Variants in LRRC4C observed in about 807,000 individuals in gnomAD.
The protein encoded by LRRC4C is leucine rich repeat containing 4C.
A neutral mutation model predicts 33.6 loss-of-function variants in LRRC4C; 5 were observed. The observed-to-expected ratio is 0.15, with a 90% CI of 0.08 to 0.31. The LOEUF is 0.31. LRRC4C is among the 10% of genes least tolerant of loss of function. The pLI is 1.00. For synonymous variants in LRRC4C, 329 were observed against 302.0 expected, an observed-to-expected ratio of 1.09 and a Z score of -0.93; for missense variants, 560 against 796.7, an observed-to-expected ratio of 0.70 and a Z score of 3.58.
At chr11:41,278,615 T>C (rs1949556610) in intron 1 of LRRC4C, among the ~76,000 whole-genome samples, 2 of 152,232 alleles carry the variant, frequency 1.3e-5, no homozygotes, top group Non-Finnish European at 2.9e-5. Context: ...CCCCTGTGTT[T>C]CTGATTCAGT....
intron 2 of LRRC4C, among the ~76,000 whole-genome samples, chr11:40,847,225 A>G (rs1457065269): frequency 6.6e-6 from 1 of 152,156 alleles, no homozygotes; most frequent in Non-Finnish European, 1.5e-5. Context: ...GTCTTGTGCC[A>G]GTTTTCAAAG....
rs1293886537 is a variant in LRRC4C at position 41,404,839 on chromosome 11, G to A, written c.-496+54592C>T. Among the ~76,000 whole-genome samples, 5 of 151,966 alleles carry A rather than the reference G, an allele frequency of 3.3e-5. No individual in the cohort carries two copies. The East Asian group carries it at 9.7e-4, about 30-fold the overall frequency. ...AAGTAAGTGGCCATGATTTTAAAAA[G>A]CAAATATAGAACTGGTAGTTTCACT... On this transcript the variant is annotated intron_variant, in intron 1 of 6. Transcript: ENST00000528697.
chr11:40,492,079 C>T (rs759020318), intron 3 of LRRC4C, among the ~76,000 whole-genome samples: 18 of 152,166 alleles, frequency 1.2e-4, no homozygotes, highest in Non-Finnish European at 1.8e-4. Flanking sequence ...AAAGAGATGG[C>T]ACTAGAGAGT....
intron 1 of LRRC4C, among the ~76,000 whole-genome samples, chr11:41,129,243 T>C (rs1942899816): frequency 6.6e-6 from 1 of 151,972 alleles, no homozygotes; most frequent in South Asian, 2.1e-4. Flanking sequence ...AATTTATTTA[T>C]ATTCTCCGTA....
chr11:40,650,683 G>A (rs982440094), intron 2 of LRRC4C, among the ~76,000 whole-genome samples: 13 of 152,136 alleles, frequency 8.5e-5, no homozygotes, highest in African/African-American at 2.2e-4. Context: ...CATCTATTTA[G>A]AATTCACAGT....
Position 41,114,238 on chromosome 11 carries a change from C to T in LRRC4C, c.-495-180515G>A, listed in dbSNP as rs147752443. Among the ~76,000 whole-genome samples, 523 of 152,028 alleles carry T rather than the reference C, an allele frequency of 3.4e-3. 2 individuals carry two copies. The highest frequency in any genetic ancestry group is 0.012 in the African/African-American group (494 of 41,490). On this transcript the variant is annotated intron_variant, in intron 1 of 6. Transcript: ENST00000528697. ...AAGAAAATTTTCAATGGCTTTAAAT[C>T]TTTTTTTAAAAATCTGTTATTTATT...
chr11:40,260,807 C>G lies in LRRC4C; in HGVS notation c.-175-19209G>C, dbSNP rs535380438. On this transcript the variant is annotated intron_variant, in intron 4 of 6. Coordinates refer to ENST00000528697, the MANE Select transcript of LRRC4C (RefSeq NM_001258419.2). Reference sequence around the variant, plus strand: ...ATGATTGTTGAAATTAATTCAATCTCTTTCAAAGAGTTAACTAGAAGAAAT... The same window carrying G: ...ATGATTGTTGAAATTAATTCAATCTGTTTCAAAGAGTTAACTAGAAGAAAT... Among the ~76,000 whole-genome samples the G allele has an allele frequency of 5.9e-5, 9 of 152,250 alleles. No individual in the cohort carries two copies. The East Asian group carries it at 1.7e-3, about 29-fold the overall frequency.
chr11:40,497,170 C>T (rs1052998846), intron 3 of LRRC4C, among the ~76,000 whole-genome samples: 1 of 152,124 alleles, frequency 6.6e-6, no homozygotes, highest in African/African-American at 2.4e-5. Flanking sequence ...ATTTGGGAGG[C>T]AGAGGCGGGC....
At chr11:40,300,240 TC>T (rs1944705492) in intron 4 of LRRC4C, among the ~76,000 whole-genome samples, 1 of 152,110 alleles carries the variant, frequency 6.6e-6, no homozygotes, top group Non-Finnish European at 1.5e-5. Context: ...GTCATGTCCC[TC>T]CTGGCCCCAC....
intron 1 of LRRC4C, among the ~76,000 whole-genome samples, chr11:41,389,817 A>G (rs1953518442): frequency 6.6e-6 from 1 of 151,774 alleles, no homozygotes; most frequent in Non-Finnish European, 1.5e-5. Context: ...CACTTCTACA[A>G]TTACCATTGA....
Position 40,261,782 on chromosome 11 carries a change from C to T in LRRC4C, c.-175-20184G>A, listed in dbSNP as rs142896111. ...AAATGGTGTTGGGAGAACTGGCTAG[C>T]CATATGCAGAAAACTGAAACGACCC... On this transcript the variant is annotated intron_variant, in intron 4 of 6. Transcript: ENST00000528697. 5.6e-3 allele frequency among the ~76,000 whole-genome samples: 850 copies of T among 152,160 alleles called. 5 individuals carry two copies. The highest frequency in any genetic ancestry group is 0.019 in the African/African-American group (799 of 41,518).
At chr11:41,383,941 G>A (rs753392821) in intron 1 of LRRC4C, among the ~76,000 whole-genome samples, 12 of 151,874 alleles carry the variant, frequency 7.9e-5, no homozygotes, top group Non-Finnish European at 1.6e-4. Context: ...GAAATGTTTC[G>A]ATGAAAATAG....
chr11:41,001,377 T>G (rs1406183629), intron 1 of LRRC4C, among the ~76,000 whole-genome samples: 2 of 152,284 alleles, frequency 1.3e-5, no homozygotes, highest in East Asian at 3.9e-4. Flanking sequence ...AATCCTTTTG[T>G]GCAATATCTT....
At chr11:40,543,834 T>C (rs564516568) in intron 3 of LRRC4C, among the ~76,000 whole-genome samples, 1 of 152,156 alleles carries the variant, frequency 6.6e-6, no homozygotes, top group African/African-American at 2.4e-5. Context: ...ATTTGAGGAC[T>C]ACCATTTTTT....
At chr11:40,974,944 T>C (rs1358990113) in intron 1 of LRRC4C, among the ~76,000 whole-genome samples, 1 of 152,168 alleles carries the variant, frequency 6.6e-6, no homozygotes, top group African/African-American at 2.4e-5. Flanking sequence ...TCCCTCAGAC[T>C]GAGAATTACA....
At chr11:40,274,461 A>ACACACACACG (rs1942950850) in intron 4 of LRRC4C, among the ~76,000 whole-genome samples, 1 of 151,616 alleles carries the variant, frequency 6.6e-6, no homozygotes, top group Non-Finnish European at 1.5e-5. Context: ...ACACACACAC[A>ACACACACACG]CACACAGAAA....
chr11:40,871,025 G>A (rs1954613754), intron 2 of LRRC4C, among the ~76,000 whole-genome samples: 1 of 152,058 alleles, frequency 6.6e-6, no homozygotes, highest in South Asian at 2.1e-4. Context: ...CGTCTTTTAT[G>A]GTCGAAGCTG....
chr11:41,414,786 T>C (rs946036949), intron 1 of LRRC4C, among the ~76,000 whole-genome samples: 1 of 152,046 alleles, frequency 6.6e-6, no homozygotes, highest in Admixed American at 6.6e-5. Flanking sequence ...GTGCTATACG[T>C]CATTAGTCTC....
chr11:40,817,328 T>C (rs1222589040), intron 2 of LRRC4C, among the ~76,000 whole-genome samples: 4 of 152,142 alleles, frequency 2.6e-5, no homozygotes, highest in Admixed American at 6.6e-5. Context: ...TCTGAGACCA[T>C]GATTTTTCAA....
Sources: gnomAD v4.1 joint callset for allele counts (sites outside exome capture counted in the v4.1 genomes callset) on GRCh38, gnomAD v4.1.1 for gene constraint, MANE v1.5 for transcripts, NCBI Gene and HGNC (gene_info 2026-07-23, HGNC 2026-07-21) for gene names.